Variants in STX8 observed in about 807,000 individuals in gnomAD.
STX8 encodes syntaxin-8.
A neutral mutation model predicts 37.5 loss-of-function variants in STX8; 23 were observed. That is an observed-to-expected ratio of 0.61 (90% CI 0.44 to 0.87). The LOEUF is 0.87. STX8 is among the 40% of genes least tolerant of loss of function. The pLI is 0.00. For missense variants in STX8, 313 were observed against 284.7 expected, an observed-to-expected ratio of 1.10 and a Z score of -0.71; for synonymous variants, 115 against 99.1, an observed-to-expected ratio of 1.16 and a Z score of -0.95.
intron 7 of STX8, among the ~76,000 whole-genome samples, chr17:9,255,496 C>T (rs1355420447): frequency 6.6e-6 from 1 of 151,388 alleles, no homozygotes; most frequent in African/African-American, 2.4e-5. Flanking sequence ...CACTGCACTC[C>T]AGCCTGGGCA....
chr17:9,347,016 A>G lies in STX8; in HGVS notation c.643+31536T>C, dbSNP rs564197039. ...GTAGTGGGTGCCTCTAATCCCAGTT[A>G]CTCGGGAGGCTGAGGCAGGAGAATC... On this transcript the variant is annotated intron_variant, in intron 7 of 7. Coordinates refer to ENST00000306357, the MANE Select transcript of STX8 (RefSeq NM_004853.3). 8.5e-5 allele frequency among the ~76,000 whole-genome samples: 13 copies of G among 152,064 alleles called. No individual in the cohort carries two copies. The South Asian group carries it at 2.7e-3, about 32-fold the overall frequency.
At chr17:9,534,658 C>T (rs1253326556) in intron 4 of STX8, among the ~76,000 whole-genome samples, 1 of 151,918 alleles carries the variant, frequency 6.6e-6, no homozygotes, top group South Asian at 2.1e-4. Flanking sequence ...CATGGTGGTG[C>T]GCACCTGTAA....
At chr17:9,402,501 G>C (rs1157114387) in intron 6 of STX8, among the ~76,000 whole-genome samples, 1 of 152,032 alleles carries the variant, frequency 6.6e-6, no homozygotes, top group East Asian at 1.9e-4. Flanking sequence ...TCCAAGCATA[G>C]AGAAGAAATC....
chr17:9,331,792 C>CA (rs1341089416), intron 7 of STX8, among the ~76,000 whole-genome samples: 1 of 152,156 alleles, frequency 6.6e-6, no homozygotes, highest in Non-Finnish European at 1.5e-5. Context: ...CCCCTCTCTG[C>CA]CTTTTTCCTT....
At chr17:9,357,509 T>C (rs1426032507) in intron 7 of STX8, among the ~76,000 whole-genome samples, 2 of 151,418 alleles carry the variant, frequency 1.3e-5, no homozygotes, top group Admixed American at 6.6e-5. Context: ...TAGCCTGTGG[T>C]TTTGTAGAAA....
At chr17:9,515,891 A>G (rs1237164786) in intron 4 of STX8, among the ~76,000 whole-genome samples, 2 of 152,176 alleles carry the variant, frequency 1.3e-5, no homozygotes, top group East Asian at 1.9e-4. Flanking sequence ...TCTTCTCTAT[A>G]ATAATTATTC....
At chr17:9,258,737 T>C (rs970658261) in intron 7 of STX8, among the ~76,000 whole-genome samples, 6 of 152,364 alleles carry the variant, frequency 3.9e-5, no homozygotes, top group Admixed American at 3.3e-4. Flanking sequence ...TCTGCAGGTT[T>C]TTCTTTCTCT....
chr17:9,279,259 G>A (rs1907794927), intron 7 of STX8, among the ~76,000 whole-genome samples: 1 of 152,060 alleles, frequency 6.6e-6, no homozygotes, highest in Non-Finnish European at 1.5e-5. Flanking sequence ...GTTTCACCAT[G>A]TTGGCCAGGC....
At chr17:9,360,137 A>G (rs1196142218) in intron 7 of STX8, among the ~76,000 whole-genome samples, 1 of 152,030 alleles carries the variant, frequency 6.6e-6, no homozygotes, top group Non-Finnish European at 1.5e-5. Flanking sequence ...CCATAATTTA[A>G]TGGAAAGGGG....
At chr17:9,337,099 A>G (rs1458406170) in intron 7 of STX8, among the ~76,000 whole-genome samples, 2 of 152,238 alleles carry the variant, frequency 1.3e-5, no homozygotes, top group East Asian at 3.8e-4. Flanking sequence ...AGAAATTTCT[A>G]AAACATGTCG....
At chr17:9,322,269 G>A (rs576902774) in intron 7 of STX8, among the ~76,000 whole-genome samples, 9 of 152,338 alleles carry the variant, frequency 5.9e-5, no homozygotes, top group African/African-American at 2.2e-4. Context: ...TCTCCCCTGG[G>A]CTCACTGCCG....
At position 9,357,925 on chromosome 17, in the gene STX8, A is replaced by C. The variant is rs113268461; in HGVS notation, c.643+20627T>G. Among the ~76,000 whole-genome samples the C allele has an allele frequency of 3.3e-5, 5 of 152,326 alleles. 1 individual carries two copies. Among genetic ancestry groups the C allele is most frequent in the African/African-American group, 1.2e-4 (5 of 41,582 alleles). On this transcript the variant is annotated intron_variant, in intron 7 of 7. Transcript: ENST00000306357. ...ATTTCCATTAGTTTCCAGAATAAGT[A>C]GCTAAGTGCACAACAGCCCTCTCTG... is the stretch of plus-strand genomic sequence containing the variant.
chr17:9,260,859 C>T (rs1026469984), intron 7 of STX8, among the ~76,000 whole-genome samples: 2 of 152,206 alleles, frequency 1.3e-5, no homozygotes, highest in African/African-American at 4.8e-5. Flanking sequence ...CAGCACCGGG[C>T]TGATGAGGCA....
chr17:9,296,755 G>C (rs1908567029), intron 7 of STX8, among the ~76,000 whole-genome samples: 1 of 152,116 alleles, frequency 6.6e-6, no homozygotes, highest in Non-Finnish European at 1.5e-5. Context: ...TTGCCATGCA[G>C]TATGATTTTA....
intron 6 of STX8, among the ~76,000 whole-genome samples, chr17:9,443,070 T>A (rs1012885784): frequency 6.6e-6 from 1 of 152,166 alleles, no homozygotes; most frequent in African/African-American, 2.4e-5. Context: ...GGAGAGTTGC[T>A]CAGATGTTTG....
intron 4 of STX8, among the ~76,000 whole-genome samples, chr17:9,530,967 T>C (rs1905793467): frequency 6.6e-6 from 1 of 152,244 alleles, no homozygotes; most frequent in Non-Finnish European, 1.5e-5. Flanking sequence ...AGATCTATAA[T>C]CCTTTTGGAA....
intron 6 of STX8, among the ~76,000 whole-genome samples, chr17:9,390,890 A>G (rs1295947654): frequency 1.3e-5 from 2 of 152,094 alleles, no homozygotes; most frequent in Non-Finnish European, 2.9e-5. Context: ...AAGACATTAA[A>G]GAGGCAAAAC....
At chr17:9,275,696 C>T (rs938016570) in intron 7 of STX8, among the ~76,000 whole-genome samples, 1 of 151,864 alleles carries the variant, frequency 6.6e-6, no homozygotes, top group African/African-American at 2.4e-5. Context: ...GGAGAAACCC[C>T]GTCTCTAGTA....
intron 6 of STX8, among the ~76,000 whole-genome samples, chr17:9,462,156 C>G (rs912871691): frequency 6.6e-6 from 1 of 152,066 alleles, no homozygotes; most frequent in East Asian, 1.9e-4. Context: ...GTTAGAGAAT[C>G]AGGGGAACAA....
Sources: allele counts gnomAD v4.1 joint callset (sites outside exome capture counted in the v4.1 genomes callset), GRCh38; gene constraint gnomAD v4.1.1; transcripts MANE v1.5; gene names NCBI Gene and HGNC (gene_info 2026-07-23, HGNC 2026-07-21).